SUV39H1: variants seen among roughly 807,000 people sequenced by gnomAD.
The protein encoded by SUV39H1 is SUV39H1 histone lysine methyltransferase, also known as histone-lysine N-methyltransferase SUV39H1.
For missense variants in SUV39H1, 180 were observed against 386.3 expected (o/e 0.47, Z 4.48); for synonymous variants, 141 against 150.5 (o/e 0.94, Z 0.46).
chrX:48,700,413 T>C lies in SUV39H1; in HGVS notation c.488T>C (p.Ile163Thr). The C allele has an allele frequency of 8.3e-7, 1 of 1,212,062 alleles. No individual in the cohort carries two copies. The highest frequency in any genetic ancestry group is 1.1e-6 in the Non-Finnish European group (1 of 895,547). The change falls in exon 3 of 6, where the codon ATC becomes ACC. Residue 163 changes from isoleucine to threonine, a missense_variant. Transcript: ENST00000376687. ...LDGPPRAFVY[I>T]NEYRVGEGIT... ...GGCCCTCCGCGGGCCTTCGTGTACA[T>C]CAATGAGTACCGTGTTGGTGAGGGC...
In SUV39H1 at chrX:48,706,148, C is replaced by T. The variant is rs1742348147; in HGVS notation, c.829-117C>T. 8 of 971,033 alleles carry T rather than the reference C, an allele frequency of 8.2e-6. No individual in the cohort carries two copies. The Admixed American group carries it at 2.0e-4, about 24-fold the overall frequency. The allele number at this position is 971,033 out of a possible 1,213,427, so 80.0% of individuals were successfully genotyped here. On this transcript the variant is annotated intron_variant, in intron 3 of 5. Transcript: ENST00000376687. Reference sequence around the variant, plus strand: ...CCGACAGACTCTCTGCGTCACTGCCCATGTGTGTCCACGGGCAGGGGTGCC... The same window carrying T: ...CCGACAGACTCTCTGCGTCACTGCCTATGTGTGTCCACGGGCAGGGGTGCC...
At chrX:48,699,827 G>A (rs2062468355) in intron 2 of SUV39H1, among the ~76,000 whole-genome samples, 1 of 111,503 alleles carries the variant, frequency 9.0e-6, no homozygotes, top group Non-Finnish European at 1.9e-5. Flanking sequence ...GCTGATGATG[G>A]GGAAGACCAA....
Position 48,708,054 on chromosome X carries a change from C to T in SUV39H1, c.*484C>T. 1 of 230,583 alleles carries T rather than the reference C, an allele frequency of 4.3e-6. No homozygotes were observed. 19.0% of individuals were successfully genotyped at this position (230,583 alleles called of 1,213,427 possible). On this transcript the variant is annotated 3_prime_UTR_variant, in exon 6 of 6. Coordinates refer to ENST00000376687, the MANE Select transcript of SUV39H1 (RefSeq NM_003173.4). Reference sequence around the variant, plus strand: ...CGACATGAAGCTGGTTCCCCAACCACAGAAACTTTGTACTAGTGAAAGAAA... The same window carrying T: ...CGACATGAAGCTGGTTCCCCAACCATAGAAACTTTGTACTAGTGAAAGAAA...
Position 48,696,737 on chromosome X carries a change from C to A in SUV39H1, c.-48C>A. ...TCCCGGCCACGCCCGCGCGAGCGCT[C>A]TTCTCGCGAGGCCGGCTAGGCCCGA... On this transcript the variant is annotated 5_prime_UTR_variant, in exon 1 of 6. Coordinates refer to ENST00000376687, the MANE Select transcript of SUV39H1 (RefSeq NM_003173.4). 1 of 1,132,204 alleles carries A rather than the reference C, an allele frequency of 8.8e-7. No homozygotes were observed. The highest frequency in any genetic ancestry group is 1.2e-6 in the Non-Finnish European group (1 of 855,928). The allele number at this position is 1,132,204 out of a possible 1,213,427, so 93.3% of individuals were successfully genotyped here. A position where few individuals can be genotyped will look rare whatever the true frequency, so the allele number is the denominator to read the frequency against.
rs2062471690 is a variant in SUV39H1 at position 48,700,650 on chromosome X, G to A, written c.725G>A (p.Arg242Gln). 4.9e-6 allele frequency: 6 copies of A among 1,212,440 alleles called. No individual in the cohort carries two copies. The East Asian group carries it at 1.2e-4, about 24-fold the overall frequency. ...AATCGTGTGGTACAGAAGGGTATCCGATATGACCTCTGCATCTTCCGCACG... is the reference window on the plus strand; with the variant it reads ...AATCGTGTGGTACAGAAGGGTATCCAATATGACCTCTGCATCTTCCGCACG... ...CPNRVVQKGIRYDLCIFRTDD... is the reference protein window; with the variant it reads ...CPNRVVQKGIQYDLCIFRTDD... Residue 242 changes from arginine to glutamine, a missense_variant, in exon 3 of 6, where the codon CGA (arginine) becomes CAA (glutamine). Coordinates refer to ENST00000376687, the MANE Select transcript of SUV39H1 (RefSeq NM_003173.4).
upstream of SUV39H1, among the ~76,000 whole-genome samples, chrX:48,696,061 G>A (rs1030389744): frequency 1.8e-5 from 2 of 113,318 alleles, no homozygotes; most frequent in East Asian, 2.7e-4. Flanking sequence ...ATCACAGCCC[G>A]CCTGGGGGCA....
chrX:48,708,701 C>A lies in SUV39H1; in HGVS notation c.*1131C>A, dbSNP rs1466492296. 8.9e-6 allele frequency: 1 copy of A among 111,949 alleles called. No homozygotes were observed. The highest frequency in any genetic ancestry group is 9.4e-5 in the Admixed American group (1 of 10,673). The allele number at this position is 111,949 out of a possible 1,213,427, so 9.2% of individuals were successfully genotyped here. A position where few individuals can be genotyped will look rare whatever the true frequency, so the allele number is the denominator to read the frequency against. On this transcript the variant is annotated 3_prime_UTR_variant, in exon 6 of 6. Transcript: ENST00000376687. ...GCCCTTTGTGCTCACCCTGGTTCCA[C>A]TGGTCTCAAAAGTCACCTGCCTACA...
At chrX:48,698,862 G>C in intron 1 of SUV39H1, 40 bp from the exon 2 acceptor site, 2 of 1,193,055 alleles carry the variant, frequency 1.7e-6, no homozygotes, top group Non-Finnish European at 2.3e-6. Flanking sequence ...GGCCTAGTCA[G>C]GCTGCCCAGT....
chrX:48,703,245 C>A (rs1260889796), intron 3 of SUV39H1, among the ~76,000 whole-genome samples: 1 of 112,316 alleles, frequency 8.9e-6, no homozygotes, highest in Non-Finnish European at 1.9e-5. Context: ...CCAGCCTGAC[C>A]GGATAGGGTC....
intron 3 of SUV39H1, among the ~76,000 whole-genome samples, chrX:48,701,716 C>T (rs1225950286): frequency 1.8e-5 from 2 of 111,239 alleles, no homozygotes; most frequent in Non-Finnish European, 3.8e-5. Context: ...AGAAAAATGT[C>T]GCATTCTAAG....
intron 3 of SUV39H1, among the ~76,000 whole-genome samples, chrX:48,701,983 G>A (rs1440382830): frequency 8.9e-6 from 1 of 112,231 alleles, no homozygotes; most frequent in Non-Finnish European, 1.9e-5. Flanking sequence ...CTGATGACAA[G>A]GAGAGGCTCC....
intron 3 of SUV39H1, among the ~76,000 whole-genome samples, chrX:48,703,620 T>C (rs1223477858): frequency 1.8e-5 from 2 of 112,653 alleles, no homozygotes; most frequent in African/African-American, 6.4e-5. Flanking sequence ...TGAAGATGTC[T>C]TAATTAAATC....
intron 5 of SUV39H1, 64 bp from the exon 6 acceptor site, chrX:48,707,373 C>G: frequency 5.9e-6 from 5 of 844,294 alleles, no homozygotes; most frequent in South Asian, 4.2e-5. Flanking sequence ...CTTCCTCCCT[C>G]CCTCCTTCTC....
rs1048792332 is a variant in SUV39H1, at chrX:48,700,176, G to A, written c.251G>A (p.Arg84His). 4.2e-6 allele frequency: 5 copies of A among 1,201,412 alleles called. No individual in the cohort carries two copies. The highest frequency in any genetic ancestry group is 5.6e-6 in the Non-Finnish European group (5 of 890,255). The change falls in exon 3 of 6, where the codon CGT (arginine) becomes CAT (histidine). Residue 84 changes from arginine (R) to histidine (H), a missense_variant. Physicochemically the swap from Arg to His is conservative, Grantham distance 29. Transcript: ENST00000376687. The stretch of plus-strand genomic sequence containing the variant: ...CCACGGCAGAATCTCAAGTGTGTGC[G>A]TATCCTCAAGCAGTTCCACAAGGAC... ...WEPRQNLKCV[R>H]ILKQFHKDLE... is the part of the protein sequence containing the mutation.
At chrX:48,705,504 T>C (rs782457147) in intron 3 of SUV39H1, among the ~76,000 whole-genome samples, 9 of 112,717 alleles carry the variant, frequency 8.0e-5, no homozygotes, top group Non-Finnish European at 1.7e-4. Flanking sequence ...GGGGCTAGGA[T>C]GGCAGCAAAG....
At chrX:48,695,826 G>A, upstream of SUV39H1, 2 of 1,156,003 alleles carry the variant, frequency 1.7e-6, no homozygotes, top group Non-Finnish European at 2.3e-6. Context: ...ACCAATGGTG[G>A]GGATGAGTCG....
In SUV39H1 at chrX:48,700,675, G is replaced by A. The variant is rs374063929; in HGVS notation, c.750G>A (p.Thr250=). 6.6e-6 allele frequency: 8 copies of A among 1,210,960 alleles called. No individual in the cohort carries two copies. The highest frequency in any genetic ancestry group is 8.9e-6 in the Non-Finnish European group (8 of 895,369). The change falls in exon 3 of 6, where the codon ACG becomes ACA. Residue 250 remains threonine, a synonymous_variant. Coordinates refer to ENST00000376687, the MANE Select transcript of SUV39H1 (RefSeq NM_003173.4). The part of the protein sequence containing the change: ...GIRYDLCIFR[T]DDGRGWGVRT... ...GATATGACCTCTGCATCTTCCGCAC[G>A]GATGATGGGCGTGGCTGGGGCGTCC...
chrX:48,698,835 G>A (rs1187103027), intron 1 of SUV39H1, 67 bp from the exon 2 acceptor site: 1 of 1,142,602 alleles, frequency 8.8e-7, no homozygotes, highest in Non-Finnish European at 1.2e-6. Context: ...GAGGATTTGG[G>A]GTCCCCTTTG....
upstream of SUV39H1, chrX:48,695,609 TCTGA>T (rs1346692387): frequency 2.8e-6 from 3 of 1,087,486 alleles, no homozygotes; most frequent in East Asian, 3.3e-5. Context: ...GGCTGGGTGC[TCTGA>T]CTGACTGATC....
Sources: allele counts gnomAD v4.1 joint callset (sites outside exome capture counted in the v4.1 genomes callset), GRCh38; gene constraint gnomAD v4.1.1; transcripts MANE v1.5; gene names NCBI Gene and HGNC (gene_info 2026-07-23, HGNC 2026-07-21).